The following SPTBN4 variants were observed in gnomAD, a reference collection of about 807,000 sequenced individuals.
The protein encoded by SPTBN4 is spectrin beta chain, non-erythrocytic 4.
A neutral mutation model predicts 277.8 loss-of-function variants in SPTBN4; 96 were observed. The observed-to-expected ratio is 0.35, with a 90% CI of 0.29 to 0.41. The LOEUF (loss-of-function observed/expected upper bound fraction) is 0.41, where lower values mean the gene tolerates loss of function less well. Ranked by LOEUF, SPTBN4 falls within the 10% of genes least tolerant of loss-of-function variation. The pLI, the probability that SPTBN4 is intolerant of heterozygous loss-of-function variation, is 1.00. For synonymous variants in SPTBN4, 1,481 were observed against 1,580.3 expected, an observed-to-expected ratio of 0.94 and a Z score of 1.49; for missense variants, 3,006 against 3,595.7, an observed-to-expected ratio of 0.84 and a Z score of 4.19.
intron 20 of SPTBN4, chr19:40,534,653 G>T: frequency 2.6e-6 from 1 of 378,696 alleles, no homozygotes; most frequent in Non-Finnish European, 4.9e-6. Flanking sequence ...GAGAAACCAA[G>T]GCTCAGGGGT....
intron 5 of SPTBN4, among the ~76,000 whole-genome samples, chr19:40,494,589 C>A (rs1382867088): frequency 2.0e-5 from 3 of 151,468 alleles, no homozygotes; most frequent in Admixed American, 6.6e-5. Context: ...ATATATATAT[C>A]ATCTATCAAC....
At chr19:40,523,713 G>A in intron 17 of SPTBN4, 74 bp downstream of exon 17, 2 of 1,401,778 alleles carry the variant, frequency 1.4e-6, no homozygotes, top group Non-Finnish European at 1.9e-6. Context: ...TGGTGTGGGA[G>A]GCCAGGGTCC....
intron 14 of SPTBN4, 149 bp downstream of exon 14, chr19:40,513,703 A>T: frequency 1.2e-6 from 1 of 845,276 alleles, no homozygotes; most frequent in African/African-American, 1.7e-5. Flanking sequence ...CAGTTCTGCA[A>T]CCTGCCTAAT....
At chr19:40,492,906 G>A (rs755295395) in intron 4 of SPTBN4, 57 bp from the exon 5 acceptor site, 23 of 1,475,524 alleles carry the variant, frequency 1.6e-5, no homozygotes, top group Non-Finnish European at 2.2e-5. Flanking sequence ...GTGAGTGGGG[G>A]GCATTCGAAG....
intron 31 of SPTBN4, among the ~76,000 whole-genome samples, chr19:40,568,488 G>A (rs1188539118): frequency 6.6e-6 from 1 of 152,202 alleles, no homozygotes; most frequent in African/African-American, 2.4e-5. Flanking sequence ...AGCCCTTCCT[G>A]TTGAAAGAAA....
chr19:40,536,507 C>G (rs772413574), intron 20 of SPTBN4, among the ~76,000 whole-genome samples: 12 of 152,136 alleles, frequency 7.9e-5, no homozygotes, highest in Non-Finnish European at 1.8e-4. Context: ...AGCCACTGTG[C>G]CCGGCCAATG....
chr19:40,560,621 G>A lies in SPTBN4; in HGVS notation c.5915+218G>A, dbSNP rs762016729. The A allele has an allele frequency of 2.1e-4, 296 of 1,437,714 alleles. 1 individual carries two copies. Among genetic ancestry groups the A allele is most frequent in the Non-Finnish European group, 2.4e-4 (266 of 1,099,390 alleles). The allele number at this position is 1,437,714 out of a possible 1,614,324, so 89.1% of individuals were successfully genotyped here. A position where few individuals can be genotyped will look rare whatever the true frequency, so the allele number is the denominator to read the frequency against. ...TCGGTCATGGGGCATCCTTCTGTCC[G>A]CTGTCCTTCCCAGTTGCCTATTATT... On this transcript the variant is annotated intron_variant, in intron 27 of 35. Coordinates refer to ENST00000598249, the MANE Select transcript of SPTBN4 (RefSeq NM_020971.3). This position sits in a 1 kb window ranked among gnomAD's most constrained non-coding sequence, Gnocchi z 5.2.
intron 2 of SPTBN4, among the ~76,000 whole-genome samples, chr19:40,480,660 G>A (rs2080000849): frequency 6.6e-6 from 1 of 152,132 alleles, no homozygotes; most frequent in Non-Finnish European, 1.5e-5. Context: ...TTGTGGGGTG[G>A]TCCTTCTCCT....
In SPTBN4 at chr19:40,554,851, C is replaced by T; in HGVS notation, c.5084+205C>T. On this transcript the variant is annotated intron_variant, in intron 24 of 35. Coordinates refer to ENST00000598249, the MANE Select transcript of SPTBN4 (RefSeq NM_020971.3). This position sits in a 1 kb window ranked among gnomAD's most constrained non-coding sequence, Gnocchi z 5.7. ...GTTGAGAGGGTGGGGCCAGGAGCAC[C>T]TGGATTTGAGTGTAGTAGTGGGGAC... is the stretch of plus-strand genomic sequence containing the variant. 1.4e-6 allele frequency: 1 copy of T among 696,164 alleles called. No homozygotes were observed. The highest frequency in any genetic ancestry group is 2.3e-6 in the Non-Finnish European group (1 of 427,116). 43.1% of individuals were successfully genotyped at this position (696,164 alleles called of 1,614,324 possible). A position where few individuals can be genotyped will look rare whatever the true frequency, so the allele number is the denominator to read the frequency against.
Position 40,576,349 on chromosome 19 carries a change from G to A in SPTBN4, c.*780G>A, listed in dbSNP as rs960825927. The A allele has an allele frequency of 6.5e-6, 1 of 153,112 alleles. No individual in the cohort carries two copies. The allele number at this position is 153,112 out of a possible 1,614,324, so 9.5% of individuals were successfully genotyped here. A position where few individuals can be genotyped will look rare whatever the true frequency, so the allele number is the denominator to read the frequency against. On this transcript the variant is annotated 3_prime_UTR_variant, in exon 36 of 36. Transcript: ENST00000598249. ...CACCTCCCTGGGGAGTCGGGGGATT[G>A]GGTTGTGGGCAGTCCCCATGGCCGC...
At position 40,486,605 on chromosome 19, in the gene SPTBN4, T is replaced by G. The variant is rs180813043; in HGVS notation, c.170-1092T>G. 4.2e-3 allele frequency among the ~76,000 whole-genome samples: 633 copies of G among 152,180 alleles called. 4 individuals carry two copies. Among genetic ancestry groups the G allele is most frequent in the African/African-American group, 0.014 (595 of 41,548 alleles). On this transcript the variant is annotated intron_variant, in intron 2 of 35. Transcript: ENST00000598249. ...CCAGGCAGGTCTCAAACTCCTGTAC[T>G]CCAGCAATCCACCCGCCTTGGCTTC...
In SPTBN4 at chr19:40,494,903, T is replaced by C. The variant is rs751746219; in HGVS notation, c.594T>C (p.Pro198=). Residue 198 remains proline (P), a synonymous_variant, in exon 6 of 36, where the codon CCT becomes CCC. Transcript: ENST00000598249. The stretch of plus-strand genomic sequence containing the variant: ...TCTCCCTTCACCCTTCCAGTTACCC[T>C]GAGGTAAACATCCAGAATTTCACCA... The part of the protein sequence containing the change: ...LWCQMKTAGY[P]EVNIQNFTTS... 1 of 1,614,078 alleles carries C rather than the reference T, an allele frequency of 6.2e-7. No individual in the cohort carries two copies. Among genetic ancestry groups the C allele is most frequent in the South Asian group, 1.1e-5 (1 of 91,076 alleles).
intron 25 of SPTBN4, 29 bp downstream of exon 25, chr19:40,556,317 A>T (rs2080978627): frequency 6.3e-7 from 1 of 1,584,072 alleles, no homozygotes; most frequent in Non-Finnish European, 8.6e-7. Context: ...AAGTGATACC[A>T]GGAGCTACCA....
At position 40,480,251 on chromosome 19, in the gene SPTBN4, C is replaced by CAAA. The variant is rs34559298; in HGVS notation, c.170-7429_170-7427dup. Among the ~76,000 whole-genome samples, 245 of 93,712 alleles carry CAAA rather than the reference C, an allele frequency of 2.6e-3. 2 individuals are homozygous for CAAA. Among genetic ancestry groups the CAAA allele is most frequent in the African/African-American group, 8.1e-3 (226 of 27,770 alleles). 61.5% of individuals were successfully genotyped at this position (93,712 alleles called of 152,430 possible). On this transcript the variant is annotated intron_variant, in intron 2 of 35. Coordinates refer to ENST00000598249, the MANE Select transcript of SPTBN4 (RefSeq NM_020971.3). ...GGGTTAACAGAGAGAGACTCCGTCT[C>CAAA]AAAAAAAAAAAAAAAAAAATTAGCT... is the stretch of plus-strand genomic sequence containing the variant.
At chr19:40,534,628 C>T in intron 20 of SPTBN4, 1 of 418,966 alleles carries the variant, frequency 2.4e-6, no homozygotes, top group Non-Finnish European at 4.4e-6. Flanking sequence ...GACCCTGACA[C>T]TCATTTCCTG....
chr19:40,570,685 C>A lies in SPTBN4; in HGVS notation c.7276C>A (p.Leu2426Met). The part of the protein sequence containing the change: ...THTVQHEGFL[L>M]RKRELDANRK... ...CACAGTGCAGCACGAGGGCTTCCTACTGCGCAAGCGCGAGCTCGACGCTAA... is the reference window on the plus strand; with the variant it reads ...CACAGTGCAGCACGAGGGCTTCCTAATGCGCAAGCGCGAGCTCGACGCTAA... The change falls in exon 33 of 36, where the codon CTG (leucine) becomes ATG (methionine). Residue 2426 changes from leucine to methionine, a missense_variant. By Grantham distance (15) the Leu-to-Met change is conservative. Around this residue, in one of 5 missense-constraint regions of SPTBN4, gnomAD observed 630 missense variants for 677.6 expected, o/e 0.93. Coordinates refer to ENST00000598249, the MANE Select transcript of SPTBN4 (RefSeq NM_020971.3). 1.2e-6 allele frequency: 2 copies of A among 1,606,926 alleles called. No individual in the cohort carries two copies. The highest frequency in any genetic ancestry group is 1.7e-6 in the Non-Finnish European group (2 of 1,177,498).
At chr19:40,573,716 T>G (rs535522194) in intron 35 of SPTBN4, among the ~76,000 whole-genome samples, 2 of 152,066 alleles carry the variant, frequency 1.3e-5, no homozygotes, top group Non-Finnish European at 2.9e-5. Flanking sequence ...GGCAGGAGGA[T>G]TGCTTGAACC....
chr19:40,570,392 C>A, intron 32 of SPTBN4, 44 bp from the exon 33 acceptor site: 2 of 1,489,374 alleles, frequency 1.3e-6, no homozygotes, highest in Non-Finnish European at 1.8e-6. Context: ...GACCCCCACA[C>A]CCTCTCCATG....
intron 1 of SPTBN4, among the ~76,000 whole-genome samples, chr19:40,468,853 C>T (rs2079854271): frequency 6.6e-6 from 1 of 152,152 alleles, no homozygotes; most frequent in Admixed American, 6.6e-5. Context: ...AACCCCAGCA[C>T]TTTGGGAAGT....
Sources: gnomAD v4.1 joint callset for allele counts (sites outside exome capture counted in the v4.1 genomes callset) on GRCh38, gnomAD v4.1.1 for gene constraint, gnomAD v4.1.1 regional missense constraint, Gnocchi (gnomAD v3.1) non-coding constraint, MANE v1.5 for transcripts, NCBI Gene and HGNC (gene_info 2026-07-23, HGNC 2026-07-21) for gene names.